EYS: variants seen among roughly 807,000 people sequenced by gnomAD.
EYS encodes protein eyes shut homolog.
A neutral mutation model predicts 282.1 loss-of-function variants in EYS; 250 were observed. That is an observed-to-expected ratio of 0.89 (90% CI 0.80 to 0.98). The LOEUF (loss-of-function observed/expected upper bound fraction) is 0.98, where lower values mean the gene tolerates loss of function less well. EYS is among the 50% of genes least tolerant of loss of function. EYS has a pLI of 0.00. For missense variants in EYS, 4,016 were observed against 3,709.0 expected (o/e 1.08, Z -2.15); for synonymous variants, 1,355 against 1,282.9 (o/e 1.06, Z -1.20).
At chr6:65,124,130 A>G (rs1775649238) in intron 12 of EYS, among the ~76,000 whole-genome samples, 1 of 152,094 alleles carries the variant, frequency 6.6e-6, no homozygotes, top group Admixed American at 6.6e-5. Flanking sequence ...CCTAGATTGT[A>G]CCACTGTACT....
At chr6:64,735,276 G>A (rs1160820478) in intron 22 of EYS, among the ~76,000 whole-genome samples, 1 of 152,066 alleles carries the variant, frequency 6.6e-6, no homozygotes, top group Non-Finnish European at 1.5e-5. Context: ...GTAGAGACGG[G>A]GTTTCACCGT....
At chr6:64,414,994 GTCTC>G (rs756377103) in intron 28 of EYS, among the ~76,000 whole-genome samples, 36 of 152,176 alleles carry the variant, frequency 2.4e-4, no homozygotes, top group Non-Finnish European at 3.1e-4. Flanking sequence ...GGATGAGTAT[GTCTC>G]TCTCTAATTT....
chr6:64,518,903 G>T (rs1361556436), intron 26 of EYS, among the ~76,000 whole-genome samples: 1 of 151,742 alleles, frequency 6.6e-6, no homozygotes, highest in East Asian at 1.9e-4. Context: ...GCTGAACTGT[G>T]AATCAATTAA....
intron 24 of EYS, among the ~76,000 whole-genome samples, chr6:64,594,623 C>G (rs1766519832): frequency 7.0e-6 from 1 of 142,784 alleles, no homozygotes; most frequent in Non-Finnish European, 1.5e-5. Context: ...TTCTTACTCA[C>G]AGGTGGGAAT....
At chr6:65,359,889 C>T (rs899916687) in intron 8 of EYS, among the ~76,000 whole-genome samples, 1 of 151,852 alleles carries the variant, frequency 6.6e-6, no homozygotes, top group African/African-American at 2.4e-5. Context: ...CATTTCCATA[C>T]TTCAGATAAG....
intron 12 of EYS, among the ~76,000 whole-genome samples, chr6:65,183,864 G>T (rs1455139744): frequency 1.3e-5 from 2 of 151,742 alleles, no homozygotes; most frequent in East Asian, 2.0e-4. Context: ...ATTTTCTCAA[G>T]CAATGACTGC....
At chr6:64,524,322 A>G (rs1391165250) in intron 26 of EYS, among the ~76,000 whole-genome samples, 1 of 151,776 alleles carries the variant, frequency 6.6e-6, no homozygotes, top group African/African-American at 2.4e-5. Flanking sequence ...AAACTTTAAG[A>G]TAAAAATTAA....
At chr6:64,982,953 A>G (rs1159542511) in intron 14 of EYS, among the ~76,000 whole-genome samples, 1 of 151,254 alleles carries the variant, frequency 6.6e-6, no homozygotes, top group Non-Finnish European at 1.5e-5. Flanking sequence ...AAATCTTTGA[A>G]AATAAAATCC....
chr6:64,105,938 G>A (rs1374686792), intron 31 of EYS, among the ~76,000 whole-genome samples: 4 of 152,076 alleles, frequency 2.6e-5, no homozygotes, highest in Admixed American at 2.0e-4. Flanking sequence ...AGCTATATGT[G>A]TCTTCATATT....
intron 30 of EYS, among the ~76,000 whole-genome samples, chr6:64,250,822 CA>C (rs1325288591): frequency 2.0e-5 from 3 of 152,036 alleles, no homozygotes; most frequent in Non-Finnish European, 4.4e-5. Context: ...AGGAAAGAAC[CA>C]AATAATGATA....
At chr6:65,599,285 A>T (rs1217818999) in intron 2 of EYS, among the ~76,000 whole-genome samples, 3 of 152,076 alleles carry the variant, frequency 2.0e-5, no homozygotes, top group African/African-American at 7.2e-5. Context: ...TCAACGGTAA[A>T]CTGTATATCT....
intron 5 of EYS, among the ~76,000 whole-genome samples, chr6:65,409,570 C>T (rs2753977): frequency 0.89 from 136,164 of 152,180 alleles, 61,218 homozygotes; most frequent in African/African-American, 0.97. Context: ...AAAAGGGAGA[C>T]ATCTGACTCC....
At chr6:63,852,106 G>A (rs1301725193) in intron 36 of EYS, among the ~76,000 whole-genome samples, 33 of 122,820 alleles carry the variant, frequency 2.7e-4, no homozygotes, top group African/African-American at 8.6e-4. Flanking sequence ...GCAGTGAGCC[G>A]AGATCCCGCC....
At chr6:65,033,619 G>C (rs1772673945) in intron 13 of EYS, among the ~76,000 whole-genome samples, 1 of 152,142 alleles carries the variant, frequency 6.6e-6, no homozygotes, top group African/African-American at 2.4e-5. Flanking sequence ...TAAGCCTGTA[G>C]GGGCACAGAA....
At chr6:65,464,228 G>A (rs942949350) in intron 5 of EYS, among the ~76,000 whole-genome samples, 32 of 152,080 alleles carry the variant, frequency 2.1e-4, no homozygotes, top group African/African-American at 7.7e-4. Context: ...GATCACAGGA[G>A]ACACAGGAGA....
chr6:64,277,641 G>A (rs372983732), intron 30 of EYS, among the ~76,000 whole-genome samples: 35 of 152,146 alleles, frequency 2.3e-4, no homozygotes, highest in African/African-American at 8.2e-4. Flanking sequence ...AGGAGAACGA[G>A]TTGCAAAATG....
intron 2 of EYS, among the ~76,000 whole-genome samples, chr6:65,517,809 TA>T (rs1305953848): frequency 6.6e-6 from 1 of 151,884 alleles, no homozygotes; most frequent in East Asian, 1.9e-4. Context: ...TTAAAGGGAA[TA>T]AAAAAATTCA....
At chr6:64,294,916 A>C (rs1768858274) in intron 30 of EYS, among the ~76,000 whole-genome samples, 1 of 152,204 alleles carries the variant, frequency 6.6e-6, no homozygotes, top group African/African-American at 2.4e-5. Flanking sequence ...TTTCTGCTGT[A>C]TGCTGGAGTA....
At chr6:65,173,240 C>T (rs1293639705) in intron 12 of EYS, among the ~76,000 whole-genome samples, 1 of 151,168 alleles carries the variant, frequency 6.6e-6, no homozygotes, top group Non-Finnish European at 1.5e-5. Flanking sequence ...TTTTTCATGT[C>T]TGTAGTTCTT....
Sources: gnomAD v4.1 joint callset for allele counts (sites outside exome capture counted in the v4.1 genomes callset) on GRCh38, gnomAD v4.1.1 for gene constraint, MANE v1.5 for transcripts, NCBI Gene and HGNC (gene_info 2026-07-23, HGNC 2026-07-21) for gene names.